ZNF320: variants seen among roughly 807,000 people sequenced by gnomAD.
ZNF320 encodes zinc finger protein 320, also known as zinc finger gene 320.
In ZNF320, 2 loss-of-function variants were observed where a neutral mutation model predicts 6.8. The ratio of observed to expected loss-of-function variants is 0.29; its 90% confidence interval spans 0.12 to 0.93. The LOEUF (loss-of-function observed/expected upper bound fraction) is 0.93. Among genes scored for constraint, ZNF320 ranks in the 40% least tolerant of loss-of-function variants. The probability of loss-of-function intolerance (pLI) is 0.55; values close to 1 mark genes in which losing one functional copy is unlikely to be tolerated. For synonymous variants in ZNF320, 208 were observed against 203.2 expected (o/e 1.02, Z -0.20); for missense variants, 472 against 611.0 (o/e 0.77, Z 2.40).
chr19:52,889,132 C>T (rs1017706665), intron 4 of ZNF320, among the ~76,000 whole-genome samples: 3 of 151,068 alleles, frequency 2.0e-5, no homozygotes, highest in African/African-American at 4.9e-5. Context: ...TGCAGTGAGC[C>T]GAGAAATCGC....
intron 5 of ZNF320, among the ~76,000 whole-genome samples, chr19:52,865,798 TATATTTATATATATGATTATACACA>T (rs2063548612): frequency 8.3e-6 from 1 of 120,672 alleles, no homozygotes; most frequent in African/African-American, 3.4e-5. Flanking sequence ...ATTATACACA[TATATTTATATATATGATTATACACA>T]TATATTTATA....
At position 52,869,538 on chromosome 19, in the gene ZNF320, G is replaced by T. The variant is rs79806407; in HGVS notation, c.223+4454C>A. Among the ~76,000 whole-genome samples the T allele has an allele frequency of 7.9e-3, 1,205 of 151,614 alleles. 19 individuals are homozygous for T. Among genetic ancestry groups the T allele is most frequent in the African/African-American group, 0.026 (1,076 of 41,328 alleles). On this transcript the variant is annotated intron_variant, in intron 5 of 5. Transcript: ENST00000673631. ...ATAACAATAATAATAATAATGACAG[G>T]TTTTTTTTCTTTTTTTGAGATGGAG...
At position 52,880,942 on chromosome 19, in the gene ZNF320, C is replaced by T. The variant is rs1218718092; in HGVS notation, c.1184G>A (p.Ser395Asn). ...ATGACATGCGAGGTACGCTTTTGTA[C>T]TAAAAACCTTGCCACATTCATTACA... The part of the protein sequence containing the change: ...YTCNECGKVF[S>N]TKAYLACHQK... The change falls in exon 6 of 6, where the codon AGT becomes AAT. Residue 395 changes from serine to asparagine, a missense_variant. Ser to Asn is a conservative substitution (Grantham distance 46, BLOSUM62 1). This residue lies in a region of ZNF320 where 462 missense variants were observed against 559.7 expected (regional missense o/e 0.83). Coordinates refer to ENST00000682928, the MANE Select transcript of ZNF320 (RefSeq NM_001351774.2). The T allele has an allele frequency of 6.2e-7, 1 of 1,613,454 alleles. No individual in the cohort carries two copies. Among genetic ancestry groups the T allele is most frequent in the Non-Finnish European group, 8.5e-7 (1 of 1,179,540 alleles).
chr19:52,903,503 C>A, the ZNF320 span, among the ~76,000 whole-genome samples: 2 of 152,068 alleles, frequency 1.3e-5, no homozygotes, highest in African/African-American at 2.4e-5. Flanking sequence ...TACAGGTTAC[C>A]TTGTGCCATA....
rs780504603 is a variant in ZNF320, at chr19:52,880,653, A to C, written c.1473T>G (p.Pro491=). The part of the protein sequence containing the change: ...RSLLAEHQKI[P]FGDNCFKCNE... ...TGCACTTGAAACAATTGTCTCCAAA[A>C]GGAATTTTCTGATGTTCTGCAAGGA... Residue 491 remains proline (P), a synonymous_variant, in exon 6 of 6, where the codon CCT becomes CCG. Transcript: ENST00000682928. 6.2e-7 allele frequency: 1 copy of C among 1,613,368 alleles called. No homozygotes were observed. Among genetic ancestry groups the C allele is most frequent in the Non-Finnish European group, 8.5e-7 (1 of 1,179,688 alleles).
intron 5 of ZNF320, among the ~76,000 whole-genome samples, chr19:52,864,832 T>G (rs906024857): frequency 5.3e-5 from 8 of 149,636 alleles, no homozygotes; most frequent in Non-Finnish European, 8.9e-5. Flanking sequence ...GCTAACACAG[T>G]GAAATCCCGT....
chr19:52,863,810 G>GTCCC, exon 6 of ZNF320: 1 of 208,948 alleles, frequency 4.8e-6, no homozygotes, highest in Non-Finnish European at 9.7e-6. Flanking sequence ...AGGCGGGTGG[G>GTCCC]TATGGAGGTC....
chr19:52,874,847 A>C (rs2063738097), downstream of ZNF320, among the ~76,000 whole-genome samples: 1 of 152,180 alleles, frequency 6.6e-6, no homozygotes, highest in Non-Finnish European at 1.5e-5. Flanking sequence ...CTGAGGGGCC[A>C]GAGAGTCCTA....
chr19:52,891,597 T>G (rs981169859), intron 2 of ZNF320, among the ~76,000 whole-genome samples: 8 of 151,860 alleles, frequency 5.3e-5, no homozygotes, highest in African/African-American at 1.9e-4. Flanking sequence ...GATAAGCAAA[T>G]GTGACTGGGG....
chr19:52,875,534 A>G (rs1320202667), downstream of ZNF320, among the ~76,000 whole-genome samples: 1 of 152,224 alleles, frequency 6.6e-6, no homozygotes, highest in Non-Finnish European at 1.5e-5. Flanking sequence ...TTCAAATTAC[A>G]TCTGAGCAGT....
At chr19:52,872,293 A>T (rs1450996295), downstream of ZNF320, among the ~76,000 whole-genome samples, 2 of 152,162 alleles carry the variant, frequency 1.3e-5, no homozygotes, top group East Asian at 3.8e-4. Flanking sequence ...CCTTTTCCAG[A>T]ATTTACCAGA....
chr19:52,887,229 T>C lies in ZNF320; in HGVS notation c.142+898A>G, dbSNP rs1403909562. ...TACCTGCGTTTACACCTGTAATACA[T>C]TCCCACCCATCTGGAGTTTTTTGTT... On this transcript the variant is annotated intron_variant, in intron 5 of 5. Transcript: ENST00000682928. 2.0e-5 allele frequency among the ~76,000 whole-genome samples: 3 copies of C among 152,156 alleles called. No homozygotes were observed. The East Asian group carries it at 5.8e-4, about 29-fold the overall frequency.
intron 5 of ZNF320, among the ~76,000 whole-genome samples, chr19:52,868,778 G>A (rs1408294933): frequency 6.6e-6 from 1 of 152,154 alleles, no homozygotes; most frequent in Non-Finnish European, 1.5e-5. Flanking sequence ...GCTGAGCTGG[G>A]ACACAAGCGC....
At position 52,877,832 on chromosome 19, in the gene ZNF320, AG is replaced by A. The variant is rs2147800134; in HGVS notation, c.*2763del. ...GATTTTTCCACAACAGTAAAGTCCA[AG>A]GGTCTGTCATGAACCGGGTTAGAGA... is the stretch of plus-strand genomic sequence containing the variant. On this transcript the variant is annotated 3_prime_UTR_variant, in exon 6 of 6. Coordinates refer to ENST00000682928, the MANE Select transcript of ZNF320 (RefSeq NM_001351774.2). The A allele has an allele frequency of 6.6e-6, 1 of 151,862 alleles. No individual in the cohort carries two copies. Among genetic ancestry groups the A allele is most frequent in the East Asian group, 1.9e-4 (1 of 5,174 alleles). The allele number at this position is 151,862 out of a possible 1,614,324, so 9.4% of individuals were successfully genotyped here.
chr19:52,892,790 A>C (rs570340071), intron 2 of ZNF320, among the ~76,000 whole-genome samples: 8 of 151,028 alleles, frequency 5.3e-5, no homozygotes, highest in Admixed American at 2.6e-4. Context: ...CCAGATCCCC[A>C]GGTGTCCTCC....
chr19:52,875,543 G>T (rs1324785931), downstream of ZNF320, among the ~76,000 whole-genome samples: 4 of 152,162 alleles, frequency 2.6e-5, no homozygotes, highest in African/African-American at 7.2e-5. Flanking sequence ...CATCTGAGCA[G>T]TACCCTCTCC....
At chr19:52,890,579 C>A (rs2064255692) in intron 3 of ZNF320, among the ~76,000 whole-genome samples, 2 of 152,174 alleles carry the variant, frequency 1.3e-5, no homozygotes, top group African/African-American at 4.8e-5. Context: ...CCTAACCAAA[C>A]CCCACACAGA....
At chr19:52,899,574 T>C (rs2064562932), upstream of ZNF320, among the ~76,000 whole-genome samples, 1 of 152,180 alleles carries the variant, frequency 6.6e-6, no homozygotes, top group Admixed American at 6.6e-5. Flanking sequence ...GCCATTCTCC[T>C]GCCTCAGCCT....
chr19:52,881,600 G>C lies in ZNF320; in HGVS notation c.526C>G (p.Leu176Val), dbSNP rs773694432. Residue 176 changes from leucine (L) to valine (V), a missense_variant, in exon 6 of 6, where the codon CTT becomes GTT. This residue lies in a region of ZNF320 where 462 missense variants were observed against 559.7 expected (regional missense o/e 0.83). Coordinates refer to ENST00000682928, the MANE Select transcript of ZNF320 (RefSeq NM_001351774.2). ...CEKVFSCKSH[L>V]EIHRIIHTGE... Reference sequence around the variant, plus strand: ...GTATGAATTATCCTATGTATTTCAAGATGTGATTTGCAACTGAAAACTTTC... The same window carrying C: ...GTATGAATTATCCTATGTATTTCAACATGTGATTTGCAACTGAAAACTTTC... The C allele has an allele frequency of 1.9e-6, 3 of 1,613,972 alleles. No individual in the cohort carries two copies. The South Asian group carries it at 3.3e-5, about 18-fold the overall frequency.
Sources: gnomAD v4.1 joint callset for allele counts (sites outside exome capture counted in the v4.1 genomes callset) on GRCh38, gnomAD v4.1.1 for gene constraint, gnomAD v4.1.1 regional missense constraint, MANE v1.5 for transcripts, NCBI Gene and HGNC (gene_info 2026-07-23, HGNC 2026-07-21) for gene names.